ITPRID2: variants seen among roughly 807,000 people sequenced by gnomAD.
ITPRID2 encodes the protein ITPR interacting domain containing 2.
Under a neutral mutation model 124.3 loss-of-function variants are expected in ITPRID2, and 60 were observed. The observed-to-expected ratio is 0.48, with a 90% CI of 0.39 to 0.60. The LOEUF (loss-of-function observed/expected upper bound fraction) is 0.60. ITPRID2 is among the 20% of genes least tolerant of loss of function. ITPRID2 has a pLI of 0.00. For missense variants in ITPRID2, 1,553 were observed against 1,512.2 expected (o/e 1.03, Z -0.45); for synonymous variants, 521 against 542.9 (o/e 0.96, Z 0.56).
Position 181,896,149 on chromosome 2 carries a change from T to C in ITPRID2, c.307+70T>C. The C allele has an allele frequency of 1.5e-6, 2 of 1,333,820 alleles. No individual in the cohort carries two copies. Among genetic ancestry groups the C allele is most frequent in the Non-Finnish European group, 2.2e-6 (2 of 928,812 alleles). 82.6% of individuals were successfully genotyped at this position (1,333,820 alleles called of 1,614,324 possible). A position where few individuals can be genotyped will look rare whatever the true frequency, so the allele number is the denominator to read the frequency against. On this transcript the variant is annotated intron_variant, in intron 3 of 17. Coordinates refer to ENST00000431877, the MANE Select transcript of ITPRID2 (RefSeq NM_001130445.3). This position sits in a 1 kb window ranked among gnomAD's most constrained non-coding sequence, Gnocchi z 4.3. The stretch of plus-strand genomic sequence containing the variant: ...TACTTCTTTGTCCTCTGGGTAAAAG[T>C]GTATATATGACTTATAAAAGTGATA...
chr2:181,916,910 C>T (rs1337078900), intron 11 of ITPRID2: 9 of 995,004 alleles, frequency 9.0e-6, no homozygotes, highest in African/African-American at 1.7e-5. Flanking sequence ...AAGCTTTCCC[C>T]TTCACCTACT....
chr2:181,918,271 G>A, intron 11 of ITPRID2: 1 of 1,074,826 alleles, frequency 9.3e-7, no homozygotes. Flanking sequence ...ATCTCATGAT[G>A]ATATTTGCAA....
At chr2:181,898,221 A>G (rs905875629) in intron 4 of ITPRID2, among the ~76,000 whole-genome samples, 2 of 152,064 alleles carry the variant, frequency 1.3e-5, no homozygotes, top group African/African-American at 4.8e-5. Context: ...AGAAATGAAA[A>G]GCAATTCATG....
Position 181,905,237 on chromosome 2 carries a change from G to C in ITPRID2, c.1413+2771G>C, listed in dbSNP as rs1435723194. On this transcript the variant is annotated intron_variant, in intron 8 of 17. Coordinates refer to ENST00000431877, the MANE Select transcript of ITPRID2 (RefSeq NM_001130445.3). This position sits in a 1 kb window ranked among gnomAD's most constrained non-coding sequence, Gnocchi z 4.1. Reference sequence around the variant, plus strand: ...GCTAATTTTTTGTATTTTTAGTAGAGATGGGGTTTCACTACGTTGGCCAGG... The same window carrying C: ...GCTAATTTTTTGTATTTTTAGTAGACATGGGGTTTCACTACGTTGGCCAGG... Among the ~76,000 whole-genome samples the C allele has an allele frequency of 6.6e-6, 1 of 151,862 alleles. No individual in the cohort carries two copies. Among genetic ancestry groups the C allele is most frequent in the African/African-American group, 2.4e-5 (1 of 41,346 alleles).
At position 181,915,648 on chromosome 2, in the gene ITPRID2, G is replaced by C; in HGVS notation, c.2008G>C (p.Glu670Gln). The C allele has an allele frequency of 6.2e-7, 1 of 1,614,140 alleles. No homozygotes were observed. The highest frequency in any genetic ancestry group is 8.5e-7 in the Non-Finnish European group (1 of 1,180,030). The change falls in exon 11 of 18, where the codon GAA becomes CAA. Residue 670 changes from glutamate to glutamine, a missense_variant. Transcript: ENST00000431877. The part of the protein sequence containing the change: ...HHILKSLASI[E>Q]AKCSDMSSEN... ...TATTCTGAAATCATTGGCTTCTATT[G>C]AAGCTAAATGCAGTGATATGAGCTC...
Position 181,910,033 on chromosome 2 carries a change from G to T in ITPRID2, c.1486+62G>T. 1 of 1,275,840 alleles carries T rather than the reference G, an allele frequency of 7.8e-7. No individual in the cohort carries two copies. The highest frequency in any genetic ancestry group is 1.1e-6 in the Non-Finnish European group (1 of 883,320). The allele number at this position is 1,275,840 out of a possible 1,614,324, so 79.0% of individuals were successfully genotyped here. ...ATCAAATATTAGTTGATTTGGAAAA[G>T]GGGTTTTATGTATCAGTATTTGTAG... On this transcript the variant is annotated intron_variant, in intron 9 of 17. Transcript: ENST00000431877. The surrounding 1 kb of genome is among the most constrained non-coding windows in gnomAD (Gnocchi z 4.1).
At position 181,910,675 on chromosome 2, in the gene ITPRID2, GTT is replaced by G; in HGVS notation, c.1486+713_1486+714del. 2 of 577,024 alleles carry G rather than the reference GTT, an allele frequency of 3.5e-6. No individual in the cohort carries two copies. The highest frequency in any genetic ancestry group is 3.2e-6 in the Non-Finnish European group (1 of 315,828). 35.7% of individuals were successfully genotyped at this position (577,024 alleles called of 1,614,324 possible). A position where few individuals can be genotyped will look rare whatever the true frequency, so the allele number is the denominator to read the frequency against. On this transcript the variant is annotated intron_variant, in intron 9 of 17. Coordinates refer to ENST00000431877, the MANE Select transcript of ITPRID2 (RefSeq NM_001130445.3). This position sits in a 1 kb window ranked among gnomAD's most constrained non-coding sequence, Gnocchi z 4.1. ...AACTTTACACATGCTGAACCACCCT[GTT>G]TTTTTTTTAAACAAAGATTCGTATG...
At chr2:181,913,971 T>C in intron 10 of ITPRID2, 38 bp downstream of exon 10, 1 of 1,401,310 alleles carries the variant, frequency 7.1e-7, no homozygotes, top group East Asian at 2.3e-5. Flanking sequence ...ATGATTAACT[T>C]CCTCATTTTA....
In ITPRID2 at chr2:181,919,200, T is replaced by C; in HGVS notation, c.2994-96T>C. 1 of 1,387,036 alleles carries C rather than the reference T, an allele frequency of 7.2e-7. No individual in the cohort carries two copies. Among genetic ancestry groups the C allele is most frequent in the South Asian group, 1.2e-5 (1 of 80,432 alleles). The allele number at this position is 1,387,036 out of a possible 1,614,324, so 85.9% of individuals were successfully genotyped here. Reference sequence around the variant, plus strand: ...TAATTTCTAGAACCTGAGATTTCCATGCCTTCTGTTAGCATATAGTAGTTG... The same window carrying C: ...TAATTTCTAGAACCTGAGATTTCCACGCCTTCTGTTAGCATATAGTAGTTG... On this transcript the variant is annotated intron_variant, in intron 13 of 17. Coordinates refer to ENST00000431877, the MANE Select transcript of ITPRID2 (RefSeq NM_001130445.3). The surrounding 1 kb of genome is among the most constrained non-coding windows in gnomAD (Gnocchi z 4.2).
rs1012620121 is a variant in ITPRID2, at chr2:181,896,283, C to T, written c.307+204C>T. On this transcript the variant is annotated intron_variant, in intron 3 of 17. Transcript: ENST00000431877. This position sits in a 1 kb window ranked among gnomAD's most constrained non-coding sequence, Gnocchi z 4.3. ...AGCAAATTGCCTAGCCTTTTCACAA[C>T]GTGAAACTTATATCTTTATTGTCCA... Among the ~76,000 whole-genome samples, 4 of 151,892 alleles carry T rather than the reference C, an allele frequency of 2.6e-5. No individual in the cohort carries two copies. The East Asian group carries it at 5.8e-4, about 22-fold the overall frequency.
At chr2:181,914,991 G>T (rs1693911693) in intron 10 of ITPRID2, among the ~76,000 whole-genome samples, 2 of 152,110 alleles carry the variant, frequency 1.3e-5, no homozygotes, top group South Asian at 4.1e-4. Context: ...TGTTGGAAAG[G>T]GAATTTTAGG....
In ITPRID2 at chr2:181,905,044, C is replaced by T. The variant is rs954319546; in HGVS notation, c.1413+2578C>T. Among the ~76,000 whole-genome samples the T allele has an allele frequency of 6.7e-6, 1 of 149,792 alleles. No individual in the cohort carries two copies. Among genetic ancestry groups the T allele is most frequent in the Non-Finnish European group, 1.5e-5 (1 of 67,720 alleles). ...TTAAAATAGTTATGAATGTTTATAA[C>T]GATGTTTTTTCTTTTTTTTTTTTTT... On this transcript the variant is annotated intron_variant, in intron 8 of 17. Transcript: ENST00000431877. The surrounding 1 kb of genome is among the most constrained non-coding windows in gnomAD (Gnocchi z 4.1).
chr2:181,896,237 C>A lies in ITPRID2; in HGVS notation c.307+158C>A, dbSNP rs1692189094. On this transcript the variant is annotated intron_variant, in intron 3 of 17. Coordinates refer to ENST00000431877, the MANE Select transcript of ITPRID2 (RefSeq NM_001130445.3). The surrounding 1 kb of genome is among the most constrained non-coding windows in gnomAD (Gnocchi z 4.3). The stretch of plus-strand genomic sequence containing the variant: ...AAAATGGAGAAACTTTGTTATAAAC[C>A]GTAAAACAGTAGGGAGTTTAAGCAA... Among the ~76,000 whole-genome samples, 1 of 151,838 alleles carries A rather than the reference C, an allele frequency of 6.6e-6. No individual in the cohort carries two copies. Among genetic ancestry groups the A allele is most frequent in the Admixed American group, 6.6e-5 (1 of 15,258 alleles).
Position 181,916,034 on chromosome 2 carries a change from G to A in ITPRID2, c.2394G>A (p.Ser798=), listed in dbSNP as rs771762488. ...ATGATGGTCAGTCTTTAGTTAAATC[G>A]ACCATTTTCATCTCTCCATCATCTG... The part of the protein sequence containing the change: ...MEHDGQSLVK[S]TIFISPSSVK... Residue 798 remains serine (S), a synonymous_variant, in exon 11 of 18, where the codon TCG becomes TCA. Transcript: ENST00000431877. 3.1e-6 allele frequency: 5 copies of A among 1,613,988 alleles called. No individual in the cohort carries two copies. The highest frequency in any genetic ancestry group is 2.2e-5 in the East Asian group (1 of 44,886).
chr2:181,912,656 CTT>C (rs1237815745), intron 9 of ITPRID2, among the ~76,000 whole-genome samples: 2 of 152,030 alleles, frequency 1.3e-5, no homozygotes, highest in Admixed American at 6.5e-5. Context: ...GGTAAACACA[CTT>C]TATTTAGCCT....
rs1465290146 is a variant in ITPRID2 at position 181,902,490 on chromosome 2, G to A, written c.1413+24G>A. 6.8e-7 allele frequency: 1 copy of A among 1,465,492 alleles called. No individual in the cohort carries two copies. The highest frequency in any genetic ancestry group is 9.1e-7 in the Non-Finnish European group (1 of 1,099,952). 90.8% of individuals were successfully genotyped at this position (1,465,492 alleles called of 1,614,324 possible). On this transcript the variant is annotated intron_variant, in intron 8 of 17. Coordinates refer to ENST00000431877, the MANE Select transcript of ITPRID2 (RefSeq NM_001130445.3). The surrounding 1 kb of genome is among the most constrained non-coding windows in gnomAD (Gnocchi z 4.4). Reference sequence around the variant, plus strand: ...AGGTAGGTAAAAAATTACTGAGACTGGTTTCAAGTTGCAGACTAGGAAAAA... The same window carrying A: ...AGGTAGGTAAAAAATTACTGAGACTAGTTTCAAGTTGCAGACTAGGAAAAA...
intron 2 of ITPRID2, chr2:181,893,674 A>C (rs1365330952): frequency 6.6e-6 from 1 of 152,198 alleles, no homozygotes; most frequent in Non-Finnish European, 1.5e-5. Flanking sequence ...ATATGGAATA[A>C]CTTCTGTTTA....
intron 16 of ITPRID2, among the ~76,000 whole-genome samples, chr2:181,925,563 C>T (rs937633572): frequency 6.6e-6 from 1 of 152,124 alleles, no homozygotes; most frequent in Non-Finnish European, 1.5e-5. Context: ...CTTTTTGTGT[C>T]TGATATTGTC....
rs17647806 is a variant in ITPRID2, at chr2:181,916,147, C to T, written c.2507C>T (p.Pro836Leu). The change falls in exon 11 of 18, where the codon CCA (proline) becomes CTA (leucine). Residue 836 changes from proline to leucine, a missense_variant. Coordinates refer to ENST00000431877, the MANE Select transcript of ITPRID2 (RefSeq NM_001130445.3). ...GRTPTCSRLA[P>L]PPMSQSTCSL... is the part of the protein sequence containing the mutation. ...ACTCCTACCTGTTCACGGCTTGCTCCACCACCAATGTCTCAGTCTACCTGT... is the reference window on the plus strand; with the variant it reads ...ACTCCTACCTGTTCACGGCTTGCTCTACCACCAATGTCTCAGTCTACCTGT... 77,082 of 1,614,204 alleles carry T rather than the reference C, an allele frequency of 0.048. 2,149 individuals are homozygous for T. The highest frequency in any genetic ancestry group is 0.08 in the Middle Eastern group (484 of 6,062).
Sources: gnomAD v4.1 joint callset for allele counts (sites outside exome capture counted in the v4.1 genomes callset) on GRCh38, gnomAD v4.1.1 for gene constraint, Gnocchi (gnomAD v3.1) non-coding constraint, MANE v1.5 for transcripts, NCBI Gene and HGNC (gene_info 2026-07-23, HGNC 2026-07-21) for gene names.